The following CDH13 variants were observed in gnomAD, a reference collection of about 807,000 sequenced individuals.
CDH13 encodes cadherin-13.
In CDH13, 24 loss-of-function variants were observed where a neutral mutation model predicts 63.8. That is an observed-to-expected ratio of 0.38 (90% confidence interval 0.27 to 0.53). CDH13 has a LOEUF of 0.53. Ranked by LOEUF, CDH13 falls within the 20% of genes least tolerant of loss-of-function variation. The pLI is 0.85. For missense variants in CDH13, 1,049 were observed against 903.1 expected (o/e 1.16, Z -2.07); for synonymous variants, 503 against 355.3 (o/e 1.42, Z -4.67).
intron 1 of CDH13, among the ~76,000 whole-genome samples, chr16:82,725,168 C>T (rs1044853907): frequency 5.3e-5 from 8 of 151,992 alleles, no homozygotes; most frequent in East Asian, 1.9e-4. Flanking sequence ...GTGCTAATGG[C>T]GATGATGATG....
In CDH13 at chr16:83,031,418, G is replaced by A. The variant is rs12598435; in HGVS notation, c.158-592G>A. On this transcript the variant is annotated intron_variant, in intron 2 of 13. Coordinates refer to ENST00000567109, the MANE Select transcript of CDH13 (RefSeq NM_001257.5). ...TACATATACATGTATATGTATACAC[G>A]TATATGGTATATACATGTACATGTA... Among the ~76,000 whole-genome samples, 228 of 146,748 alleles carry A rather than the reference G, an allele frequency of 1.6e-3. 6 individuals carry two copies. The East Asian group carries it at 0.039, about 25-fold the overall frequency.
rs527668508 is a variant in CDH13, at chr16:82,708,095, G to A, written c.45+80958G>A. Among the ~76,000 whole-genome samples, 108 of 152,296 alleles carry A rather than the reference G, an allele frequency of 7.1e-4. 1 individual carries two copies. The highest frequency in any genetic ancestry group is 2.4e-3 in the African/African-American group (101 of 41,562). The stretch of plus-strand genomic sequence containing the variant: ...CTGCATGGTTGAAGGTGGCTCATGT[G>A]TATGTCTGCTTTTCAGTGCACGCAT... On this transcript the variant is annotated intron_variant, in intron 1 of 13. Coordinates refer to ENST00000567109, the MANE Select transcript of CDH13 (RefSeq NM_001257.5).
At chr16:82,873,579 A>C (rs1348576509) in intron 2 of CDH13, among the ~76,000 whole-genome samples, 1 of 152,224 alleles carries the variant, frequency 6.6e-6, no homozygotes, top group Non-Finnish European at 1.5e-5. Flanking sequence ...AAGCTACCCA[A>C]ACTTCCAGCT....
At chr16:82,976,735 A>AGC (rs1302926954) in intron 2 of CDH13, among the ~76,000 whole-genome samples, 1 of 152,184 alleles carries the variant, frequency 6.6e-6, no homozygotes, top group African/African-American at 2.4e-5. Flanking sequence ...CCCAAAACCA[A>AGC]GCACAGTGCT....
At chr16:82,718,840 C>G (rs1181467787) in intron 1 of CDH13, among the ~76,000 whole-genome samples, 3 of 152,092 alleles carry the variant, frequency 2.0e-5, no homozygotes, top group Non-Finnish European at 1.5e-5. Context: ...ATTATGGGAG[C>G]TACAATTCAA....
chr16:82,959,547 C>T (rs1906638859), intron 2 of CDH13, among the ~76,000 whole-genome samples: 1 of 152,174 alleles, frequency 6.6e-6, no homozygotes, highest in Non-Finnish European at 1.5e-5. Context: ...AAAGTTGGAT[C>T]TCTCCAGCCA....
intron 8 of CDH13, among the ~76,000 whole-genome samples, chr16:83,653,874 C>T (rs529938310): frequency 6.6e-6 from 1 of 152,252 alleles, no homozygotes; most frequent in South Asian, 2.1e-4. Context: ...AGGCGCTCAG[C>T]ACGGCGTCAT....
chr16:83,581,494 C>T (rs917592239), intron 7 of CDH13, among the ~76,000 whole-genome samples: 1 of 152,148 alleles, frequency 6.6e-6, no homozygotes, highest in Non-Finnish European at 1.5e-5. Context: ...TGACTTTATT[C>T]CAGTGAAGTC....
At chr16:83,563,930 C>G (rs1237515335) in intron 7 of CDH13, among the ~76,000 whole-genome samples, 1 of 152,134 alleles carries the variant, frequency 6.6e-6, no homozygotes, top group East Asian at 1.9e-4. Context: ...TCTGAGAGAT[C>G]CAGATCTGAA....
intron 7 of CDH13, among the ~76,000 whole-genome samples, chr16:83,488,465 G>A (rs963132120): frequency 6.6e-6 from 1 of 152,174 alleles, no homozygotes; most frequent in Non-Finnish European, 1.5e-5. Context: ...ATTATTGAAA[G>A]GGAGAGACAG....
chr16:83,757,707 G>C (rs1295484510), intron 11 of CDH13, among the ~76,000 whole-genome samples: 2 of 151,860 alleles, frequency 1.3e-5, no homozygotes, highest in African/African-American at 4.8e-5. Flanking sequence ...CCAACACTGG[G>C]AATAAAAAAG....
intron 2 of CDH13, among the ~76,000 whole-genome samples, chr16:82,923,109 C>T (rs1039780239): frequency 5.3e-5 from 8 of 152,174 alleles, no homozygotes; most frequent in African/African-American, 1.4e-4. Flanking sequence ...GGAAAAATGG[C>T]GCCAATAGAC....
chr16:83,349,209 A>T (rs1597805183), intron 6 of CDH13, among the ~76,000 whole-genome samples: 1 of 152,314 alleles, frequency 6.6e-6, no homozygotes, highest in East Asian at 1.9e-4. Flanking sequence ...ACATTGATTT[A>T]TGAGGCCCAA....
chr16:83,517,950 C>G (rs1415870169), intron 7 of CDH13, among the ~76,000 whole-genome samples: 4 of 151,996 alleles, frequency 2.6e-5, no homozygotes, highest in Non-Finnish European at 5.9e-5. Flanking sequence ...AAAACTGAGC[C>G]CTGGGGTGAT....
At chr16:83,522,221 C>A (rs1362324066) in intron 7 of CDH13, among the ~76,000 whole-genome samples, 1 of 152,188 alleles carries the variant, frequency 6.6e-6, no homozygotes, top group Non-Finnish European at 1.5e-5. Context: ...TTTATTGAAT[C>A]TTTATGGAAA....
intron 1 of CDH13, among the ~76,000 whole-genome samples, chr16:82,827,267 G>C (rs920050269): frequency 1.3e-5 from 2 of 152,156 alleles, no homozygotes; most frequent in African/African-American, 4.8e-5. Flanking sequence ...CCTTCTAATA[G>C]GATGTCTTCA....
intron 3 of CDH13, among the ~76,000 whole-genome samples, chr16:83,046,276 T>C (rs988701679): frequency 5.1e-4 from 77 of 152,198 alleles, no homozygotes; most frequent in Non-Finnish European, 5.9e-4. Flanking sequence ...GAATTGCTTC[T>C]ATCTTTCTTA....
chr16:83,311,966 G>A (rs976673942), intron 5 of CDH13, among the ~76,000 whole-genome samples: 4 of 151,716 alleles, frequency 2.6e-5, no homozygotes, highest in African/African-American at 9.7e-5. Context: ...CCCAGCTCTC[G>A]GGAGGCTGCG....
At chr16:82,919,794 C>G (rs1174196820) in intron 2 of CDH13, among the ~76,000 whole-genome samples, 2 of 152,200 alleles carry the variant, frequency 1.3e-5, no homozygotes, top group African/African-American at 4.8e-5. Context: ...TACTCTAAAT[C>G]CATGCATCTC....
Sources: gnomAD v4.1 joint callset for allele counts (sites outside exome capture counted in the v4.1 genomes callset) on GRCh38, gnomAD v4.1.1 for gene constraint, MANE v1.5 for transcripts, NCBI Gene and HGNC (gene_info 2026-07-23, HGNC 2026-07-21) for gene names.